CDH2: variants seen among roughly 807,000 people sequenced by gnomAD.
CDH2 encodes cadherin-2.
In CDH2, 17 loss-of-function variants were observed where a neutral mutation model predicts 92.0. The ratio of observed to expected loss-of-function variants is 0.18; its 90% CI spans 0.13 to 0.28. CDH2 has a LOEUF of 0.28. Among genes scored for constraint, CDH2 ranks in the 10% least tolerant of loss-of-function variants. The pLI is 1.00. For missense variants in CDH2, 862 were observed against 1,133.1 expected (o/e 0.76, Z 3.44); for synonymous variants, 419 against 415.9 (o/e 1.01, Z -0.09).
At chr18:28,039,455 G>C (rs1054722868) in intron 2 of CDH2, among the ~76,000 whole-genome samples, 8 of 152,142 alleles carry the variant, frequency 5.3e-5, no homozygotes, top group African/African-American at 1.9e-4. Context: ...ACTCCAGGCT[G>C]AGTAGGCAGC....
chr18:27,991,185 C>T (rs1474484822), intron 9 of CDH2, among the ~76,000 whole-genome samples: 2 of 152,102 alleles, frequency 1.3e-5, no homozygotes, highest in African/African-American at 2.4e-5. Flanking sequence ...CCTTGTTCAC[C>T]TGCGAATGGA....
intron 1 of CDH2, among the ~76,000 whole-genome samples, chr18:28,169,021 A>G (rs1470704417): frequency 6.6e-6 from 1 of 152,170 alleles, no homozygotes; most frequent in East Asian, 1.9e-4. Flanking sequence ...TACCATCTCT[A>G]AAATGAGAGC....
At chr18:27,969,528 C>A (rs1349428619) in intron 14 of CDH2, among the ~76,000 whole-genome samples, 1 of 152,146 alleles carries the variant, frequency 6.6e-6, no homozygotes, top group African/African-American at 2.4e-5. Context: ...CAACTTATTT[C>A]CCGTTACAAA....
chr18:28,174,606 A>C (rs2016510435), intron 1 of CDH2, among the ~76,000 whole-genome samples: 1 of 152,238 alleles, frequency 6.6e-6, no homozygotes, highest in Non-Finnish European at 1.5e-5. Context: ...ATACAATGGA[A>C]AAGCACATTA....
At chr18:27,940,321 C>T (rs937837512) in intron 6 of CDH2, among the ~76,000 whole-genome samples, 9 of 152,104 alleles carry the variant, frequency 5.9e-5, no homozygotes, top group South Asian at 4.1e-4. Context: ...TCCTGCATGG[C>T]GGGTTCAGTT....
intron 2 of CDH2, among the ~76,000 whole-genome samples, chr18:28,051,755 T>C (rs964344880): frequency 2.6e-5 from 4 of 152,142 alleles, no homozygotes; most frequent in African/African-American, 7.2e-5. Context: ...GGAAACTACA[T>C]GAATCAAACT....
At chr18:27,984,891 A>G in intron 13 of CDH2, 109 bp downstream of exon 13, 1 of 763,028 alleles carries the variant, frequency 1.3e-6, no homozygotes, top group Non-Finnish European at 2.2e-6. Flanking sequence ...AAATGCTGAA[A>G]GGTCAAAGGG....
intron 2 of CDH2, among the ~76,000 whole-genome samples, chr18:28,103,188 A>C (rs1206888685): frequency 6.9e-6 from 1 of 145,558 alleles, no homozygotes; most frequent in African/African-American, 2.5e-5. Context: ...TATATATATA[A>C]AAACTCCTTT....
rs201428495 is a variant in CDH2 at position 27,990,126 on chromosome 18, G to A, written c.1569C>T (p.Asp523=). 23 of 1,613,866 alleles carry A rather than the reference G, an allele frequency of 1.4e-5. No individual in the cohort carries two copies. In the Admixed American group the frequency reaches 1.7e-4, roughly 12 times the overall value. ...TATTTTGCTGCATATATCGATCTGG[G>A]TCCTGAGCAGTGAATGTTGTCAACA... ...GTMLTTFTAQ[D]PDRYMQQNIR... is the part of the protein sequence containing the mutation. The change falls in exon 10 of 16, where the codon GAC becomes GAT. Residue 523 remains aspartate, a synonymous_variant. Transcript: ENST00000269141.
intron 2 of CDH2, among the ~76,000 whole-genome samples, chr18:28,018,903 ATG>A (rs950166311): frequency 1.3e-5 from 2 of 149,960 alleles, no homozygotes; most frequent in South Asian, 2.1e-4. Context: ...GTACATATAT[ATG>A]TGTGTGTATA....
At chr18:27,998,116 A>C (rs1266453263) in intron 7 of CDH2, among the ~76,000 whole-genome samples, 1 of 152,234 alleles carries the variant, frequency 6.6e-6, no homozygotes, top group East Asian at 1.9e-4. Context: ...AACTCTGTTC[A>C]AATTCTTAAC....
chr18:28,098,862 G>A (rs1000849469), intron 2 of CDH2, among the ~76,000 whole-genome samples: 3 of 152,104 alleles, frequency 2.0e-5, no homozygotes, highest in Non-Finnish European at 4.4e-5. Context: ...CAATGACCAA[G>A]ACAGTGCTAT....
chr18:27,986,660 A>C (rs2012244135), intron 11 of CDH2, among the ~76,000 whole-genome samples: 1 of 152,216 alleles, frequency 6.6e-6, no homozygotes, highest in South Asian at 2.1e-4. Context: ...AAGGTCATGC[A>C]ACTAGGAAGG....
intron 11 of CDH2, among the ~76,000 whole-genome samples, chr18:27,988,316 G>A (rs1356961341): frequency 3.3e-5 from 5 of 152,320 alleles, no homozygotes; most frequent in Non-Finnish European, 4.4e-5. Flanking sequence ...CTACATGAAC[G>A]ATGGATGGAC....
At chr18:28,155,834 T>C (rs547433172) in intron 1 of CDH2, among the ~76,000 whole-genome samples, 7 of 152,314 alleles carry the variant, frequency 4.6e-5, no homozygotes, top group African/African-American at 9.6e-5. Flanking sequence ...CCATCCATGA[T>C]GTTGGAGGCT....
chr18:27,967,800 AGT>A (rs1206815767), intron 14 of CDH2, among the ~76,000 whole-genome samples: 4 of 152,216 alleles, frequency 2.6e-5, no homozygotes, highest in Non-Finnish European at 5.9e-5. Flanking sequence ...TGGGGGAGTT[AGT>A]AAGAAGTTAG....
At chr18:27,964,592 T>TATC (rs1258199464) in intron 14 of CDH2, among the ~76,000 whole-genome samples, 7 of 152,240 alleles carry the variant, frequency 4.6e-5, no homozygotes, top group African/African-American at 1.7e-4. Context: ...CTTTTGCAGT[T>TATC]ATCTCTAGAG....
At chr18:27,954,051 T>C (rs1348830451) in intron 15 of CDH2, among the ~76,000 whole-genome samples, 3 of 152,126 alleles carry the variant, frequency 2.0e-5, no homozygotes, top group Non-Finnish European at 4.4e-5. Context: ...ATCCATGAAA[T>C]TTAGCAGTAC....
chr18:27,992,811 T>G lies in CDH2; in HGVS notation c.1188A>C (p.Val396=), dbSNP rs1439260924. The change falls in exon 9 of 16, where the codon GTA becomes GTC. Residue 396 remains valine, a synonymous_variant. Coordinates refer to ENST00000269141, the MANE Select transcript of CDH2 (RefSeq NM_001792.5). ...TFYGEVPENR[V]DIIVANLTVT... Reference sequence around the variant, plus strand: ...CAGTTAGATTAGCTACTATGATGTCTACCCTGTTCTCAGGAACTTCACCAT... The same window carrying G: ...CAGTTAGATTAGCTACTATGATGTCGACCCTGTTCTCAGGAACTTCACCAT... 6.2e-7 allele frequency: 1 copy of G among 1,613,548 alleles called. No individual in the cohort carries two copies. The highest frequency in any genetic ancestry group is 1.3e-5 in the African/African-American group (1 of 74,910).
Sources: allele counts gnomAD v4.1 joint callset (sites outside exome capture counted in the v4.1 genomes callset), GRCh38; gene constraint gnomAD v4.1.1; transcripts MANE v1.5; gene names NCBI Gene and HGNC (gene_info 2026-07-23, HGNC 2026-07-21).